Variants in MAML3 observed in about 807,000 individuals in gnomAD.
The protein encoded by MAML3 is mastermind like transcriptional coactivator 3, also known as mastermind-like protein 3.
A neutral mutation model predicts 101.9 loss-of-function variants in MAML3; 27 were observed. The ratio of observed to expected loss-of-function variants is 0.27; its 90% CI spans 0.20 to 0.37. The LOEUF (loss-of-function observed/expected upper bound fraction) is 0.37. Ranked by LOEUF, MAML3 falls within the 10% of genes least tolerant of loss-of-function variation. The pLI is 1.00. For synonymous variants in MAML3, 501 were observed against 555.9 expected, an observed-to-expected ratio of 0.90 and a Z score of 1.39; for missense variants, 1,316 against 1,444.9, an observed-to-expected ratio of 0.91 and a Z score of 1.45.
intron 1 of MAML3, among the ~76,000 whole-genome samples, chr4:140,045,721 G>A (rs1366367846): frequency 6.6e-6 from 1 of 152,118 alleles, no homozygotes; most frequent in African/African-American, 2.4e-5. Context: ...CTATGATCCT[G>A]AGTATGGCAA....
At chr4:140,132,127 C>T (rs147266106) in intron 1 of MAML3, among the ~76,000 whole-genome samples, 16 of 152,324 alleles carry the variant, frequency 1.1e-4, no homozygotes, top group East Asian at 5.8e-4. Context: ...GCAGCTTGTA[C>T]GGACCTCTTA....
chr4:139,779,818 T>G (rs555954329), intron 2 of MAML3, among the ~76,000 whole-genome samples: 1 of 152,328 alleles, frequency 6.6e-6, no homozygotes, highest in East Asian at 1.9e-4. Context: ...GGCTTGACTA[T>G]GGAGGCCCTT....
intron 1 of MAML3, 52 bp downstream of exon 1, chr4:140,152,808 A>ACCCCCCCCC: frequency 2.0e-6 from 3 of 1,466,222 alleles, no homozygotes; most frequent in Middle Eastern, 2.6e-4. Flanking sequence ...GCCCCCCACC[A>ACCCCCCCCC]CCACCACCAC....
chr4:139,912,429 A>G (rs1560833852), intron 1 of MAML3, among the ~76,000 whole-genome samples: 2 of 152,244 alleles, frequency 1.3e-5, no homozygotes, highest in African/African-American at 4.8e-5. Flanking sequence ...CCGTTACAGG[A>G]AAACAGGTAA....
chr4:139,797,316 T>C (rs980150484), intron 2 of MAML3, among the ~76,000 whole-genome samples: 1 of 152,150 alleles, frequency 6.6e-6, no homozygotes, highest in East Asian at 1.9e-4. Flanking sequence ...ATGCTACATA[T>C]AGGATGTGGG....
At chr4:140,004,015 G>A (rs1726393407) in intron 1 of MAML3, among the ~76,000 whole-genome samples, 1 of 152,244 alleles carries the variant, frequency 6.6e-6, no homozygotes, top group African/African-American at 2.4e-5. Context: ...TAGGCAATGG[G>A]AAGAAAAGGA....
At chr4:139,994,364 T>C (rs2110832948) in intron 1 of MAML3, among the ~76,000 whole-genome samples, 1 of 152,352 alleles carries the variant, frequency 6.6e-6, no homozygotes, top group Non-Finnish European at 1.5e-5. Context: ...AGATTGTTTG[T>C]TCTTTATAAT....
In MAML3 at chr4:139,785,286, G is replaced by C. The variant is rs1730286136; in HGVS notation, c.2080-54619C>G. Among the ~76,000 whole-genome samples, 1 of 152,174 alleles carries C rather than the reference G, an allele frequency of 6.6e-6. No homozygotes were observed. Among genetic ancestry groups the C allele is most frequent in the South Asian group, 2.1e-4 (1 of 4,826 alleles). ...AGACCGAGGACATGGATGGGGTTTT[G>C]CTGTTTACATGCTTAAAATATTAAT... On this transcript the variant is annotated intron_variant, in intron 2 of 4. Coordinates refer to ENST00000509479, the MANE Select transcript of MAML3 (RefSeq NM_018717.5). This position sits in a 1 kb window ranked among gnomAD's most constrained non-coding sequence, Gnocchi z 4.3.
At chr4:140,067,200 GGTGTGTGT>G (rs34701956) in intron 1 of MAML3, among the ~76,000 whole-genome samples, 4 of 149,756 alleles carry the variant, frequency 2.7e-5, no homozygotes, top group East Asian at 2.0e-4. Context: ...AAATTTTAGG[GGTGTGTGT>G]GTGTGTGTGT....
Position 139,889,554 on chromosome 4 carries a change from A to C in MAML3, c.1882T>G (p.Leu628Val). The change falls in exon 2 of 5, where the codon TTG becomes GTG. Residue 628 changes from leucine (L) to valine (V), a missense_variant. By Grantham distance (32) the Leu-to-Val change is conservative (BLOSUM62 1). Coordinates refer to ENST00000509479, the MANE Select transcript of MAML3 (RefSeq NM_018717.5). Reference sequence around the variant, plus strand: ...TGCTGCTGCTGGATATACGGCATCAAGGGGTTTTTGTTGGGGTTGGCCACT... The same window carrying C: ...TGCTGCTGCTGGATATACGGCATCACGGGGTTTTTGTTGGGGTTGGCCACT... The part of the protein sequence containing the change: ...PPVANPNKNP[L>V]MPYIQQQQQQ... The C allele has an allele frequency of 6.2e-7, 1 of 1,611,628 alleles. No homozygotes were observed. Among genetic ancestry groups the C allele is most frequent in the Non-Finnish European group, 8.5e-7 (1 of 1,179,246 alleles).
In MAML3 at chr4:139,889,903, GTGCTGTTGC is replaced by G; in HGVS notation, c.1524_1532del (p.Gln508_Gln510del). On this transcript the variant is annotated inframe_deletion, in exon 2 of 5. Transcript: ENST00000509479. Reference sequence around the variant, plus strand: ...GAGACCAATTTGAAGTCTGATTTGAGTGCTGTTGCTGCTGCTGCTGCTGCTGCTGCTGCT... The same window carrying G: ...GAGACCAATTTGAAGTCTGATTTGAGTGCTGCTGCTGCTGCTGCTGCTGCT... The G allele has an allele frequency of 1.2e-6, 2 of 1,607,828 alleles. No homozygotes were observed. Among genetic ancestry groups the G allele is most frequent in the African/African-American group, 2.7e-5 (2 of 72,996 alleles).
chr4:140,076,611 C>G (rs190608190), intron 1 of MAML3, among the ~76,000 whole-genome samples: 5 of 152,216 alleles, frequency 3.3e-5, no homozygotes, highest in African/African-American at 1.2e-4. Flanking sequence ...TTTATTGAGG[C>G]TTCCAGAAAG....
chr4:139,873,092 T>A (rs1366808408), intron 2 of MAML3, among the ~76,000 whole-genome samples: 1 of 151,406 alleles, frequency 6.6e-6, no homozygotes, highest in Non-Finnish European at 1.5e-5. Flanking sequence ...AAAAAATAAA[T>A]AAATAAATAA....
intron 1 of MAML3, among the ~76,000 whole-genome samples, chr4:140,101,938 C>T (rs1005855534): frequency 2.0e-5 from 3 of 150,720 alleles, no homozygotes; most frequent in Non-Finnish European, 4.4e-5. Flanking sequence ...GAGAATTTAA[C>T]TAACTTTTGA....
chr4:139,798,034 G>GAGAGAGAGAGAGAAAGAAAGAA (rs1308897622), intron 2 of MAML3, among the ~76,000 whole-genome samples: 1 of 124,472 alleles, frequency 8.0e-6, no homozygotes, highest in Non-Finnish European at 1.7e-5. Context: ...AGGAGAGAGA[G>GAGAGAGAGAGAGAAAGAAAGAA]AGAAAGAAAG....
chr4:139,959,663 T>A (rs1289415894), intron 1 of MAML3, among the ~76,000 whole-genome samples: 1 of 152,142 alleles, frequency 6.6e-6, no homozygotes, highest in Non-Finnish European at 1.5e-5. Context: ...TTACCTATAA[T>A]GGACTAATCT....
At chr4:139,885,932 C>CA (rs1182443191) in intron 2 of MAML3, among the ~76,000 whole-genome samples, 11,639 of 20,300 alleles carry the variant, frequency 0.57, 4,532 homozygotes, top group Non-Finnish European at 0.77. Flanking sequence ...GACTCCGTCT[C>CA]AAAAAAAAAA....
At chr4:139,741,261 A>T (rs1226370137) in intron 2 of MAML3, among the ~76,000 whole-genome samples, 3 of 152,214 alleles carry the variant, frequency 2.0e-5, no homozygotes, top group Non-Finnish European at 2.9e-5. Context: ...AGAGGAAGCA[A>T]GTCTAGGAGA....
At chr4:140,110,219 G>A (rs962553608) in intron 1 of MAML3, among the ~76,000 whole-genome samples, 1 of 152,122 alleles carries the variant, frequency 6.6e-6, no homozygotes, top group Non-Finnish European at 1.5e-5. Context: ...CTAGTTTTTG[G>A]CCTATTCTAA....
Sources: allele counts gnomAD v4.1 joint callset (sites outside exome capture counted in the v4.1 genomes callset), GRCh38; gene constraint gnomAD v4.1.1; non-coding constraint Gnocchi (gnomAD v3.1); transcripts MANE v1.5; gene names NCBI Gene and HGNC (gene_info 2026-07-23, HGNC 2026-07-21).